The following TFE3 variants were observed in gnomAD, a reference collection of about 807,000 sequenced individuals.
TFE3 encodes transcription factor E3.
TFE3 carries 5 observed loss-of-function variants against 35.0 expected under a neutral mutation model. The ratio of observed to expected loss-of-function variants is 0.14; its 90% CI spans 0.07 to 0.30. The LOEUF is 0.30. Among genes scored for constraint, TFE3 ranks in the 10% least tolerant of loss-of-function variants. TFE3 has a pLI of 1.00. For synonymous variants in TFE3, 211 were observed against 215.6 expected (o/e 0.98, Z 0.18); for missense variants, 374 against 496.6 (o/e 0.75, Z 2.35).
chrX:49,042,634 C>T (rs1295473209), intron 1 of TFE3, among the ~76,000 whole-genome samples: 1 of 111,371 alleles, frequency 9.0e-6, no homozygotes, highest in Non-Finnish European at 1.9e-5. Context: ...CTGAGAGGCA[C>T]CAAGCTCCCA....
chrX:49,037,194 C>T (rs1335751799), intron 5 of TFE3, among the ~76,000 whole-genome samples: 6 of 111,388 alleles, frequency 5.4e-5, no homozygotes, highest in African/African-American at 1.3e-4. Context: ...ATCCCAGCTA[C>T]GTGAGAGGCT....
Position 49,040,653 on chromosome X carries a change from GA to G in TFE3, c.117-86del, listed in dbSNP as rs782817614. 3.8e-4 allele frequency: 245 copies of G among 646,441 alleles called. 2 individuals carry two copies. The highest frequency in any genetic ancestry group is 3.1e-3 in the Admixed American group (116 of 37,342). The allele number at this position is 646,441 out of a possible 1,213,427, so 53.3% of individuals were successfully genotyped here. On this transcript the variant is annotated intron_variant, in intron 1 of 9. Transcript: ENST00000315869. Reference sequence around the variant, plus strand: ...CCCCTGAGACAGAGAAAGAGAGAGAGAGGGGGGGAGAACGAAGAGGAGGGTA... The same window carrying G: ...CCCCTGAGACAGAGAAAGAGAGAGAGGGGGGGGAGAACGAAGAGGAGGGTA...
chrX:49,039,361 C>T lies in TFE3; in HGVS notation c.280G>A (p.Ala94Thr), dbSNP rs1557075359. 1 of 1,204,568 alleles carries T rather than the reference C, an allele frequency of 8.3e-7. No individual in the cohort carries two copies. ...ATPATPATLS[A>T]SSSAGGSRTP... ...CTGGAGCCCCCTGCAGAAGACGATG[C>T]AGAGAGTGTAGCTGGGGTGGCTGGT... is the stretch of plus-strand genomic sequence containing the variant. The change falls in exon 3 of 10, where the codon GCA becomes ACA. Residue 94 changes from alanine (A) to threonine (T), a missense_variant. Physicochemically the swap from Ala to Thr is moderately conservative, Grantham distance 58 (BLOSUM62 0). Transcript: ENST00000315869.
Position 49,043,192 on chromosome X carries a change from A to G in TFE3, c.35T>C (p.Val12Ala), listed in dbSNP as rs1557076013. 1.7e-6 allele frequency: 2 copies of G among 1,179,732 alleles called. No individual in the cohort carries two copies. Among genetic ancestry groups the G allele is most frequent in the Non-Finnish European group, 1.1e-6 (1 of 882,620 alleles). ...TCGAGGGCCCTCCGCGCTGGCCTCT[A>G]CGCCATCCCGAGCTGGTTCGGCCGC... ...SHAAEPARDG[V>A]EASAEGPRAV... is the part of the protein sequence containing the mutation. Residue 12 changes from valine (V) to alanine (A), a missense_variant, in exon 1 of 10, where the codon GTA becomes GCA. By Grantham distance (64) the Val-to-Ala change is moderately conservative (BLOSUM62 0). Around this residue, in one of 3 missense-constraint regions of TFE3, gnomAD observed 90 missense variants for 87.5 expected, o/e 1.03. Coordinates refer to ENST00000315869, the MANE Select transcript of TFE3 (RefSeq NM_006521.6).
intron 9 of TFE3, among the ~76,000 whole-genome samples, chrX:49,031,017 G>A (rs2147768274): frequency 9.1e-6 from 1 of 110,489 alleles, no homozygotes; most frequent in East Asian, 2.8e-4. Flanking sequence ...CCCGGGAGGC[G>A]GAGGTTGCGG....
At position 49,029,711 on chromosome X, in the gene TFE3, C is replaced by T. The variant is rs1193224208; in HGVS notation, c.*447G>A. The stretch of plus-strand genomic sequence containing the variant: ...TCCATTACTTGACTCCTCTTCTGTG[C>T]CAGGACGGACTAGACTGGTGGTTCC... On this transcript the variant is annotated 3_prime_UTR_variant, in exon 10 of 10. Coordinates refer to ENST00000315869, the MANE Select transcript of TFE3 (RefSeq NM_006521.6). 2 of 437,702 alleles carry T rather than the reference C, an allele frequency of 4.6e-6. No individual in the cohort carries two copies. Among genetic ancestry groups the T allele is most frequent in the Non-Finnish European group, 8.6e-6 (2 of 231,915 alleles). 36.1% of individuals were successfully genotyped at this position (437,702 alleles called of 1,213,427 possible).
chrX:49,040,655 G>T (rs782529857), intron 1 of TFE3, 87 bp from the exon 2 acceptor site: 25 of 641,380 alleles, frequency 3.9e-5, no homozygotes, highest in South Asian at 7.4e-5. Flanking sequence ...GAGAGAGAGA[G>T]GGGGGGAGAA....
At position 49,043,080 on chromosome X, in the gene TFE3, TCGGCACTCCCAGCCCCAGG is replaced by T. The variant is rs782414479; in HGVS notation, c.116+12_116+30del. 1.6e-5 allele frequency: 17 copies of T among 1,087,434 alleles called. No individual in the cohort carries two copies. The Admixed American group carries it at 4.6e-4, about 29-fold the overall frequency. The allele number at this position is 1,087,434 out of a possible 1,213,427, so 89.6% of individuals were successfully genotyped here. ...GAGATCAGGCCCCTGGGAGCCCCAG[TCGGCACTCCCAGCCCCAGG>T]CGGCCCCGCACCTGAGCAGCTGAGC... On this transcript the variant is annotated intron_variant, in intron 1 of 9. Coordinates refer to ENST00000315869, the MANE Select transcript of TFE3 (RefSeq NM_006521.6).
rs782272958 is a variant in TFE3 at position 49,030,170 on chromosome X, T to C, written c.1716A>G (p.Glu572=). 1.7e-5 allele frequency: 20 copies of C among 1,205,876 alleles called. No homozygotes were observed. The Middle Eastern group carries it at 1.6e-3, about 99-fold the overall frequency. ...GGGTGAGGCCTGATCAGGACTCCTC[T>C]TCCATGCTGAAGCTGCTGCGGCGGC... ...ASSRRSSFSM[E]EES The change falls in exon 10 of 10, where the codon GAA becomes GAG. Residue 572 remains glutamate, a synonymous_variant. Coordinates refer to ENST00000315869, the MANE Select transcript of TFE3 (RefSeq NM_006521.6).
At chrX:49,036,932 G>A (rs1478499686) in intron 5 of TFE3, among the ~76,000 whole-genome samples, 2 of 112,435 alleles carry the variant, frequency 1.8e-5, no homozygotes, top group Admixed American at 9.5e-5. Flanking sequence ...CTGCCTCCTG[G>A]CACAGTTCAC....
At chrX:49,039,506 C>T (rs1273491402) in intron 2 of TFE3, 96 bp from the exon 3 acceptor site, 15 of 942,335 alleles carry the variant, frequency 1.6e-5, no homozygotes, top group African/African-American at 1.4e-4. Context: ...ACACAGGAAC[C>T]AGGCCTGTTC....
At chrX:49,038,526 C>T in intron 3 of TFE3, 84 bp from the exon 4 acceptor site, 2 of 1,101,934 alleles carry the variant, frequency 1.8e-6, no homozygotes, top group Non-Finnish European at 2.4e-6. Context: ...CAGCCTGACC[C>T]TCCTAACTCA....
chrX:49,034,299 G>C, intron 5 of TFE3, 48 bp from the exon 6 acceptor site: 5 of 907,734 alleles, frequency 5.5e-6, no homozygotes, highest in Non-Finnish European at 7.9e-6. Flanking sequence ...CAAACCCCAG[G>C]CTTGGCTCCT....
At position 49,030,307 on chromosome X, in the gene TFE3, C is replaced by T; in HGVS notation, c.1579G>A (p.Glu527Lys). Residue 527 changes from glutamate (E) to lysine (K), a missense_variant, in exon 10 of 10, where the codon GAG becomes AAG. Physicochemically the swap from Glu to Lys is moderately conservative, Grantham distance 56. This residue lies in a region of TFE3 where 117 missense variants were observed against 111.9 expected (regional missense o/e 1.05). Transcript: ENST00000315869. ...CCTCCCACCACCCCCTCCTCCTCCT[C>T]CATCAGAATGTCCTCCAGCCCCAGG... is the stretch of plus-strand genomic sequence containing the variant. ...FHLGLEDILMEEEEGVVGGLS... is the reference protein window; with the variant it reads ...FHLGLEDILMKEEEGVVGGLS... The T allele has an allele frequency of 8.3e-7, 1 of 1,206,514 alleles. No individual in the cohort carries two copies. The highest frequency in any genetic ancestry group is 1.1e-6 in the Non-Finnish European group (1 of 892,166).
Position 49,041,183 on chromosome X carries a change from G to A in TFE3, c.117-615C>T, listed in dbSNP as rs185122798. On this transcript the variant is annotated intron_variant, in intron 1 of 9. Transcript: ENST00000315869. ...CCTGACCTCAAGATCCGCTTGCCTC[G>A]GCCTCCCAAAGTGCTGGGATTACAG... Among the ~76,000 whole-genome samples the A allele has an allele frequency of 6.4e-4, 71 of 110,587 alleles. No homozygotes were observed. The East Asian group carries it at 0.017, about 26-fold the overall frequency.
At position 49,030,345 on chromosome X, in the gene TFE3, C is replaced by T. The variant is rs1322827985; in HGVS notation, c.1541G>A (p.Gly514Glu). The change falls in exon 10 of 10, where the codon GGA becomes GAA. Residue 514 changes from glycine (G) to glutamate (E), a missense_variant. This residue lies in a region of TFE3 where 117 missense variants were observed against 111.9 expected (regional missense o/e 1.05). Coordinates refer to ENST00000315869, the MANE Select transcript of TFE3 (RefSeq NM_006521.6). The part of the protein sequence containing the change: ...HFPSDHLGDL[G>E]DPFHLGLEDI... ...CTCCAGCCCCAGGTGGAAGGGGTCT[C>T]CCAGGTCCCCCAGGTGGTCGCTGGG... The T allele has an allele frequency of 8.3e-7, 1 of 1,206,147 alleles. No individual in the cohort carries two copies. Among genetic ancestry groups the T allele is most frequent in the East Asian group, 3.0e-5 (1 of 33,593 alleles).
In TFE3 at chrX:49,043,251, G is replaced by A. The variant is rs2064769465; in HGVS notation, c.-25C>T. The stretch of plus-strand genomic sequence containing the variant: ...TGACGCCCGGCCCCGGGCGAGCCCT[G>A]CCAGGCCGGTCGGGCCTCGGCCCGG... On this transcript the variant is annotated 5_prime_UTR_variant, in exon 1 of 10. Coordinates refer to ENST00000315869, the MANE Select transcript of TFE3 (RefSeq NM_006521.6). The A allele has an allele frequency of 1.8e-6, 2 of 1,101,862 alleles. No individual in the cohort carries two copies. The highest frequency in any genetic ancestry group is 2.4e-6 in the Non-Finnish European group (2 of 831,437). The allele number at this position is 1,101,862 out of a possible 1,213,427, so 90.8% of individuals were successfully genotyped here.
chrX:49,039,349 C>A lies in TFE3; in HGVS notation c.292G>T (p.Ala98Ser), dbSNP rs1557075348. ...TPATLSASSS[A>S]GGSRTPAMSS... ...ATGGCAGGGGTCCTGGAGCCCCCTG[C>A]AGAAGACGATGCAGAGAGTGTAGCT... Residue 98 changes from alanine to serine, a missense_variant, in exon 3 of 10, where the codon GCA (alanine) becomes TCA (serine). This residue lies in a region of TFE3 where 90 missense variants were observed against 87.5 expected (regional missense o/e 1.03). Coordinates refer to ENST00000315869, the MANE Select transcript of TFE3 (RefSeq NM_006521.6). The A allele has an allele frequency of 4.1e-6, 5 of 1,207,016 alleles. No individual in the cohort carries two copies. The highest frequency in any genetic ancestry group is 2.2e-5 in the Admixed American group (1 of 45,469).
chrX:49,035,322 A>AAAAAAAATAAAT (rs1557074478), intron 5 of TFE3, among the ~76,000 whole-genome samples: 72 of 83,478 alleles, frequency 8.6e-4, no homozygotes, highest in Non-Finnish European at 9.8e-4. Flanking sequence ...ACTCTATCTC[A>AAAAAAAATAAAT]AAATAAATAA....
Sources: allele counts gnomAD v4.1 joint callset (sites outside exome capture counted in the v4.1 genomes callset), GRCh38; gene constraint gnomAD v4.1.1; regional missense constraint gnomAD v4.1.1; transcripts MANE v1.5; gene names NCBI Gene and HGNC (gene_info 2026-07-23, HGNC 2026-07-21).